The following NLRX1 variants were observed in gnomAD, a reference collection of about 807,000 sequenced individuals.
NLRX1 encodes NOD-like receptor X1.
In NLRX1, 67 loss-of-function variants were observed where a neutral mutation model predicts 74.2. The observed-to-expected ratio is 0.90, with a 90% confidence interval of 0.74 to 1.11. The LOEUF is 1.11. NLRX1 is among the 50% of genes least tolerant of loss of function. The pLI, the probability that NLRX1 is intolerant of heterozygous loss-of-function variation, is 0.00. For missense variants in NLRX1, 1,191 were observed against 1,305.4 expected (o/e 0.91, Z 1.35); for synonymous variants, 506 against 559.1 (o/e 0.91, Z 1.34).
At chr11:119,182,495 C>T in intron 9 of NLRX1, 150 bp downstream of exon 9, 1 of 1,156,378 alleles carries the variant, frequency 8.6e-7, no homozygotes, top group East Asian at 2.5e-5. Flanking sequence ...GTCAACCTAG[C>T]TCTGAGCCAA....
chr11:119,183,379 G>A lies in NLRX1; in HGVS notation c.2868G>A (p.Leu956=), dbSNP rs1361811483. 1 of 1,614,040 alleles carries A rather than the reference G, an allele frequency of 6.2e-7. No homozygotes were observed. The highest frequency in any genetic ancestry group is 8.5e-7 in the Non-Finnish European group (1 of 1,180,046). ...TTAATCCTTGGCGCAAGGCCCAGCT[G>A]CTGCGAGTGGAGGGCGAGGTCAGGG... ...ATLNPWRKAQ[L]LRVEGEVRAL... is the part of the protein sequence containing the mutation. Residue 956 remains leucine, a synonymous_variant, in exon 10 of 10, where the codon CTG becomes CTA. Coordinates refer to ENST00000409109, the MANE Select transcript of NLRX1 (RefSeq NM_001282144.2). This position sits in a 1 kb window ranked among gnomAD's most constrained non-coding sequence, Gnocchi z 5.7.
At position 119,174,051 on chromosome 11, in the gene NLRX1, C is replaced by A. The variant is rs1349334664; in HGVS notation, c.802C>A (p.Pro268Thr). ...LCSDPEEPQE[P>T]AAIIVNLLRK... ...TAGTGACCCGGAGGAACCGCAGGAACCAGCTGCTATCATCGTCAACCTGCT... is the reference window on the plus strand; with the variant it reads ...TAGTGACCCGGAGGAACCGCAGGAAACAGCTGCTATCATCGTCAACCTGCT... The change falls in exon 5 of 10, where the codon CCA becomes ACA. Residue 268 changes from proline to threonine, a missense_variant. Transcript: ENST00000409109. The A allele has an allele frequency of 2.5e-6, 4 of 1,614,180 alleles. No homozygotes were observed. The Admixed American group carries it at 6.7e-5, about 27-fold the overall frequency.
chr11:119,175,227 A>T lies in NLRX1; in HGVS notation c.1624A>T (p.Lys542Ter), dbSNP rs1466542721. 3 of 1,614,130 alleles carry T rather than the reference A, an allele frequency of 1.9e-6. No individual in the cohort carries two copies. Among genetic ancestry groups the T allele is most frequent in the South Asian group, 1.1e-5 (1 of 91,078 alleles). ...DVSLVLGIMA[K>*]LLPLRALPLL... ...CAGCCTGGTACTGGGCATCATGGCC[A>T]AGCTGCTGCCTCTGCGGGCTCTGCC... The change falls in exon 6 of 10, where the codon AAG becomes TAG. Residue 542 changes from lysine (K) to a stop codon, truncating the protein, a stop_gained. Coordinates refer to ENST00000409109, the MANE Select transcript of NLRX1 (RefSeq NM_001282144.2). LOFTEE classifies it high-confidence loss of function.
chr11:119,171,565 G>A, intron 2 of NLRX1, 92 bp downstream of exon 2: 1 of 871,126 alleles, frequency 1.1e-6, no homozygotes, highest in Non-Finnish European at 1.9e-6. Context: ...CCAGACACCA[G>A]GTGCACTAGT....
chr11:119,180,200 C>A lies in NLRX1; in HGVS notation c.2179C>A (p.Leu727Met). ...TGTGCTGGGCAGCGGAAGGCATGCC[C>A]TGGATGAGGTGAACTTGGCCTCCTG... ...AAVLGSGRHA[L>M]DEVNLASCQL... Residue 727 changes from leucine to methionine, a missense_variant, in exon 7 of 10, where the codon CTG becomes ATG. Leu to Met is a conservative substitution (Grantham distance 15). Transcript: ENST00000409109. 2 of 1,612,232 alleles carry A rather than the reference C, an allele frequency of 1.2e-6. No homozygotes were observed. Among genetic ancestry groups the A allele is most frequent in the Non-Finnish European group, 1.7e-6 (2 of 1,178,796 alleles).
chr11:119,180,355 G>C, intron 7 of NLRX1, 67 bp downstream of exon 7: 1 of 1,319,362 alleles, frequency 7.6e-7, no homozygotes, highest in Non-Finnish European at 1.0e-6. Flanking sequence ...AGTGGGAAAA[G>C]AAAGTGCCAG....
At chr11:119,169,515 T>C (rs1174669557) in intron 1 of NLRX1, among the ~76,000 whole-genome samples, 2 of 152,220 alleles carry the variant, frequency 1.3e-5, no homozygotes, top group African/African-American at 4.8e-5. Context: ...GCTCCTCCGC[T>C]GGTTGGCCCT....
chr11:119,173,817 G>C lies in NLRX1; in HGVS notation c.568G>C (p.Ala190Pro). 1 of 1,613,488 alleles carries C rather than the reference G, an allele frequency of 6.2e-7. No individual in the cohort carries two copies. Among genetic ancestry groups the C allele is most frequent in the African/African-American group, 1.3e-5 (1 of 75,038 alleles). ...VLDWCYGRLP[A>P]FELLIPFSCE... The stretch of plus-strand genomic sequence containing the variant: ...GGACTGGTGTTATGGGCGGCTGCCG[G>C]CCTTCGAGCTGCTCATCCCCTTCTC... The change falls in exon 5 of 10, where the codon GCC (alanine) becomes CCC (proline). Residue 190 changes from alanine (A) to proline (P), a missense_variant. Transcript: ENST00000409109. The surrounding 1 kb of genome is among the most constrained non-coding windows in gnomAD (Gnocchi z 4.0).
chr11:119,170,199 A>G (rs1382523854), intron 1 of NLRX1, among the ~76,000 whole-genome samples: 1 of 151,952 alleles, frequency 6.6e-6, no homozygotes, highest in Non-Finnish European at 1.5e-5. Flanking sequence ...TGGACTCTAT[A>G]AGTAACCTTG....
intron 9 of NLRX1, 138 bp from the exon 10 acceptor site, chr11:119,182,980 C>T (rs1175904810): frequency 1.4e-6 from 1 of 699,518 alleles, no homozygotes; most frequent in East Asian, 2.7e-5. Context: ...GCCTCCACCT[C>T]TGGCTCATTG....
Position 119,173,429 on chromosome 11 carries a change from A to G in NLRX1, c.230-50A>G. 1 of 1,577,782 alleles carries G rather than the reference A, an allele frequency of 6.3e-7. No homozygotes were observed. Among genetic ancestry groups the G allele is most frequent in the Non-Finnish European group, 8.6e-7 (1 of 1,163,556 alleles). ...CCACCGCCCTGATTGGCCCTAAGCT[A>G]CATCTCCAGGCCCCTTTCCCTGACA... On this transcript the variant is annotated intron_variant, in intron 4 of 9. Transcript: ENST00000409109. This position sits in a 1 kb window ranked among gnomAD's most constrained non-coding sequence, Gnocchi z 4.0.
At chr11:119,181,347 C>T in intron 8 of NLRX1, 90 bp downstream of exon 8, 2 of 957,176 alleles carry the variant, frequency 2.1e-6, no homozygotes, top group Non-Finnish European at 3.3e-6. Context: ...CAGACCCACC[C>T]AAGGGATAGT....
chr11:119,183,173 G>A lies in NLRX1; in HGVS notation c.2662G>A (p.Gly888Ser). 1.2e-6 allele frequency: 2 copies of A among 1,614,198 alleles called. No homozygotes were observed. Among genetic ancestry groups the A allele is most frequent in the Non-Finnish European group, 1.7e-6 (2 of 1,180,030 alleles). Residue 888 changes from glycine to serine, a missense_variant, in exon 10 of 10, where the codon GGT becomes AGT. Physicochemically the swap from Gly to Ser is moderately conservative, Grantham distance 56. Transcript: ENST00000409109. The surrounding 1 kb of genome is among the most constrained non-coding windows in gnomAD (Gnocchi z 5.7). ...EGRQVLRDLGGAAEGGARVVV... is the reference protein window; with the variant it reads ...EGRQVLRDLGSAAEGGARVVV... ...CCGCCAGGTCTTGCGAGACTTGGGG[G>A]GTGCTGCTGAAGGTGGTGCCCGGGT...
intron 6 of NLRX1, among the ~76,000 whole-genome samples, chr11:119,179,473 C>T (rs1252837609): frequency 1.3e-5 from 2 of 152,176 alleles, no homozygotes; most frequent in African/African-American, 2.4e-5. Flanking sequence ...TTTTAAGAAA[C>T]GTTTCATATT....
At chr11:119,171,720 AG>A (rs1385576292) in intron 2 of NLRX1, among the ~76,000 whole-genome samples, 1 of 152,076 alleles carries the variant, frequency 6.6e-6, no homozygotes, top group African/African-American at 2.4e-5. Context: ...TGGAAGGCCG[AG>A]GCAGGCGGAT....
At chr11:119,180,736 T>C in intron 7 of NLRX1, among the ~76,000 whole-genome samples, 1 of 130,888 alleles carries the variant, frequency 7.6e-6, no homozygotes, top group East Asian at 2.2e-4. Flanking sequence ...TGGGTGGAGG[T>C]GACAGGAGCA....
rs1240381201 is a variant in NLRX1, at chr11:119,169,137, GGCC to G, written c.-211_-209del. ...GGGCCGGGGGAGGAGGCTGTGCAAG[GGCC>G]GCGGGGAGATCCCGGCCGAGAACGA... is the stretch of plus-strand genomic sequence containing the variant. On this transcript the variant is annotated 5_prime_UTR_variant, in exon 1 of 10. Coordinates refer to ENST00000409109, the MANE Select transcript of NLRX1 (RefSeq NM_001282144.2). The G allele has an allele frequency of 6.6e-6, 1 of 152,638 alleles. No individual in the cohort carries two copies. Among genetic ancestry groups the G allele is most frequent in the Non-Finnish European group, 1.5e-5 (1 of 68,382 alleles). 9.5% of individuals were successfully genotyped at this position (152,638 alleles called of 1,614,324 possible).
At chr11:119,182,919 C>CA (rs371710220) in intron 9 of NLRX1, among the ~76,000 whole-genome samples, 199 bp from the exon 10 acceptor site, 4,465 of 141,130 alleles carry the variant, frequency 0.032, 222 homozygotes, top group African/African-American at 0.11. Context: ...AAAACAAAAA[C>CA]AAAAAAAAAA....
Position 119,183,448 on chromosome 11 carries a change from C to T in NLRX1, c.*9C>T, listed in dbSNP as rs1028315404. 3.1e-5 allele frequency: 50 copies of T among 1,606,500 alleles called. No individual in the cohort carries two copies. In the East Asian group the frequency reaches 3.1e-4, roughly 10 times the overall value. The stretch of plus-strand genomic sequence containing the variant: ...GAAGCTCTGGAAGCTGAGACACTGG[C>T]GGCAGGCACCTAGCTATGTGACCAC... On this transcript the variant is annotated 3_prime_UTR_variant, in exon 10 of 10. Transcript: ENST00000409109. This position sits in a 1 kb window ranked among gnomAD's most constrained non-coding sequence, Gnocchi z 5.7.
Sources: allele counts gnomAD v4.1 joint callset (sites outside exome capture counted in the v4.1 genomes callset), GRCh38; gene constraint gnomAD v4.1.1; non-coding constraint Gnocchi (gnomAD v3.1); transcripts MANE v1.5; gene names NCBI Gene and HGNC (gene_info 2026-07-23, HGNC 2026-07-21).